Variants in NOPCHAP1 observed in about 807,000 individuals in gnomAD.
NOPCHAP1 encodes DNA damage-sensitive RNA 1.
Under a neutral mutation model 14.0 loss-of-function variants are expected in NOPCHAP1, and 13 were observed. The ratio of observed to expected loss-of-function variants is 0.93; its 90% CI spans 0.60 to 1.47. The LOEUF (loss-of-function observed/expected upper bound fraction) is 1.47. Ranked by LOEUF, NOPCHAP1 falls within the 40% of genes most tolerant of loss-of-function variation. The pLI is 0.00. For missense variants in NOPCHAP1, 230 were observed against 226.9 expected, an observed-to-expected ratio of 1.01 and a Z score of -0.09; for synonymous variants, 78 against 78.4, an observed-to-expected ratio of 1.00 and a Z score of 0.03.
intron 1 of NOPCHAP1, 34 bp downstream of exon 1, chr12:104,986,501 A>G (rs1592746680): frequency 1.3e-6 from 2 of 1,538,664 alleles, no homozygotes; most frequent in Non-Finnish European, 1.8e-6. Context: ...TGGGCCGCAC[A>G]CGTGCGGCAG....
At position 105,012,182 on chromosome 12, in the gene NOPCHAP1, T is replaced by A. The variant is rs1447768484; in HGVS notation, c.*17486T>A. On this transcript the variant is annotated 3_prime_UTR_variant, in exon 4 of 4. Transcript: ENST00000552951. ...AGTCTCATATTTCTTGGACGCTTTG[T>A]TCCTTTTCATTCTTTTTTCTCTAAT... 1.3e-5 allele frequency: 2 copies of A among 152,146 alleles called. No homozygotes were observed. The highest frequency in any genetic ancestry group is 2.9e-5 in the Non-Finnish European group (2 of 68,002). The allele number at this position is 152,146 out of a possible 1,614,324, so 9.4% of individuals were successfully genotyped here.
Position 105,006,703 on chromosome 12 carries a change from G to A in NOPCHAP1, c.*12007G>A, listed in dbSNP as rs1043900300. 1 of 152,052 alleles carries A rather than the reference G, an allele frequency of 6.6e-6. No homozygotes were observed. Among genetic ancestry groups the A allele is most frequent in the African/African-American group, 2.4e-5 (1 of 41,396 alleles). The allele number at this position is 152,052 out of a possible 1,614,324, so 9.4% of individuals were successfully genotyped here. A position where few individuals can be genotyped will look rare whatever the true frequency, so the allele number is the denominator to read the frequency against. On this transcript the variant is annotated 3_prime_UTR_variant, in exon 4 of 4. Coordinates refer to ENST00000552951, the MANE Select transcript of NOPCHAP1 (RefSeq NM_152318.3). ...AATCTAATTGCATTTGCACAAAACA[G>A]TAGAGTTAACCTATCCCTTCCTGCC... is the stretch of plus-strand genomic sequence containing the variant.
Position 105,012,155 on chromosome 12 carries a change from A to G in NOPCHAP1, c.*17459A>G, listed in dbSNP as rs1037434884. ...TCAAACGTAGGCTAGGTCTTTTCAC[A>G]TAGTCTCATATTTCTTGGACGCTTT... On this transcript the variant is annotated 3_prime_UTR_variant, in exon 4 of 4. Transcript: ENST00000552951. The G allele has an allele frequency of 4.6e-5, 7 of 152,164 alleles. No homozygotes were observed. The highest frequency in any genetic ancestry group is 1.7e-4 in the African/African-American group (7 of 41,412). The allele number at this position is 152,164 out of a possible 1,614,324, so 9.4% of individuals were successfully genotyped here.
rs4964309 is a variant in NOPCHAP1 at position 104,999,391 on chromosome 12, C to T, written c.*4695C>T. The T allele has an allele frequency of 0.6, 90,880 of 152,206 alleles. 28,184 individuals carry two copies. Among genetic ancestry groups the T allele is most frequent in the East Asian group, 0.81 (4,196 of 5,180 alleles). The allele number at this position is 152,206 out of a possible 1,614,324, so 9.4% of individuals were successfully genotyped here. Reference sequence around the variant, plus strand: ...CGATCTGCCAACTCAGGTGCTATAGCGTAGGCCCCCAGGACGCACCCCACC... The same window carrying T: ...CGATCTGCCAACTCAGGTGCTATAGTGTAGGCCCCCAGGACGCACCCCACC... On this transcript the variant is annotated 3_prime_UTR_variant, in exon 4 of 4. Coordinates refer to ENST00000552951, the MANE Select transcript of NOPCHAP1 (RefSeq NM_152318.3).
chr12:104,988,329 T>A, intron 2 of NOPCHAP1, 76 bp downstream of exon 2: 1 of 1,178,344 alleles, frequency 8.5e-7, no homozygotes, highest in Non-Finnish European at 1.2e-6. Context: ...GGTCTCTGCC[T>A]TCATTGTCAG....
chr12:104,993,334 A>G (rs1052487793), intron 3 of NOPCHAP1, among the ~76,000 whole-genome samples: 5 of 152,114 alleles, frequency 3.3e-5, no homozygotes, highest in Non-Finnish European at 7.4e-5. Flanking sequence ...CAATACATAC[A>G]TGAATAAGCA....
rs1476041102 is a variant in NOPCHAP1, at chr12:105,002,343, G to C, written c.*7647G>C. 1 of 152,148 alleles carries C rather than the reference G, an allele frequency of 6.6e-6. No individual in the cohort carries two copies. The highest frequency in any genetic ancestry group is 2.4e-5 in the African/African-American group (1 of 41,432). 9.4% of individuals were successfully genotyped at this position (152,148 alleles called of 1,614,324 possible). A position where few individuals can be genotyped will look rare whatever the true frequency, so the allele number is the denominator to read the frequency against. ...ATCATATCTATAACCTCCCATCCTGGTTTGTGTTTTTTATTCAGGTTACTA... is the reference window on the plus strand; with the variant it reads ...ATCATATCTATAACCTCCCATCCTGCTTTGTGTTTTTTATTCAGGTTACTA... On this transcript the variant is annotated 3_prime_UTR_variant, in exon 4 of 4. Transcript: ENST00000552951.
At chr12:104,991,655 C>A in intron 2 of NOPCHAP1, 57 bp from the exon 3 acceptor site, 1 of 1,493,888 alleles carries the variant, frequency 6.7e-7, no homozygotes, top group Non-Finnish European at 9.0e-7. Context: ...TATAGGAAAT[C>A]CTGGGTTTCA....
chr12:104,991,384 C>T (rs114951426), intron 2 of NOPCHAP1, among the ~76,000 whole-genome samples: 247 of 152,308 alleles, frequency 1.6e-3, no homozygotes, highest in African/African-American at 5.5e-3. Flanking sequence ...CCTAGTTATT[C>T]GTACCCTAAA....
Position 105,006,330 on chromosome 12 carries a change from T to C in NOPCHAP1, c.*11634T>C, listed in dbSNP as rs569129980. 2.1e-4 allele frequency: 32 copies of C among 152,300 alleles called. No individual in the cohort carries two copies. The highest frequency in any genetic ancestry group is 3.4e-4 in the Non-Finnish European group (23 of 68,026). The allele number at this position is 152,300 out of a possible 1,614,324, so 9.4% of individuals were successfully genotyped here. A position where few individuals can be genotyped will look rare whatever the true frequency, so the allele number is the denominator to read the frequency against. On this transcript the variant is annotated 3_prime_UTR_variant, in exon 4 of 4. Coordinates refer to ENST00000552951, the MANE Select transcript of NOPCHAP1 (RefSeq NM_152318.3). ...CTTTGAAAATTTTTTCCATAGAGTA[T>C]CATGTATAATGAGCCTTAAAGGTCT...
At chr12:104,991,505 A>T (rs942296830) in intron 2 of NOPCHAP1, among the ~76,000 whole-genome samples, 2 of 152,216 alleles carry the variant, frequency 1.3e-5, no homozygotes, top group African/African-American at 4.8e-5. Context: ...TATATGAGAA[A>T]CATAAAACAT....
At chr12:104,993,630 G>A (rs1238369433) in intron 3 of NOPCHAP1, among the ~76,000 whole-genome samples, 1 of 152,244 alleles carries the variant, frequency 6.6e-6, no homozygotes, top group Non-Finnish European at 1.5e-5. Context: ...GCGTCACTGT[G>A]TATGGGTGCT....
At position 104,997,504 on chromosome 12, in the gene NOPCHAP1, A is replaced by C; in HGVS notation, c.*2808A>C. ...TTAAAGTATAATAATAAAAATAAAT[A>C]AATAAAGAATGCTGAATATAGGCCC... On this transcript the variant is annotated 3_prime_UTR_variant, in exon 4 of 4. Transcript: ENST00000552951. The C allele has an allele frequency of 1.3e-5, 2 of 152,312 alleles. No individual in the cohort carries two copies. The highest frequency in any genetic ancestry group is 1.3e-4 in the Admixed American group (2 of 15,298). 9.4% of individuals were successfully genotyped at this position (152,312 alleles called of 1,614,324 possible). A position where few individuals can be genotyped will look rare whatever the true frequency, so the allele number is the denominator to read the frequency against.
chr12:105,000,621 G>T lies in NOPCHAP1; in HGVS notation c.*5925G>T, dbSNP rs1705101161. 1 of 152,128 alleles carries T rather than the reference G, an allele frequency of 6.6e-6. No homozygotes were observed. Among genetic ancestry groups the T allele is most frequent in the Non-Finnish European group, 1.5e-5 (1 of 68,016 alleles). The allele number at this position is 152,128 out of a possible 1,614,324, so 9.4% of individuals were successfully genotyped here. ...TCTTACCACCCATACTGCAGCAAAAGTCTTGAGGGTCTGAACTTTTGCTGC... is the reference window on the plus strand; with the variant it reads ...TCTTACCACCCATACTGCAGCAAAATTCTTGAGGGTCTGAACTTTTGCTGC... On this transcript the variant is annotated 3_prime_UTR_variant, in exon 4 of 4. Transcript: ENST00000552951.
In NOPCHAP1 at chr12:105,001,329, T is replaced by C. The variant is rs1873605510; in HGVS notation, c.*6633T>C. The C allele has an allele frequency of 6.6e-6, 1 of 152,200 alleles. No individual in the cohort carries two copies. The highest frequency in any genetic ancestry group is 1.5e-5 in the Non-Finnish European group (1 of 68,036). The allele number at this position is 152,200 out of a possible 1,614,324, so 9.4% of individuals were successfully genotyped here. On this transcript the variant is annotated 3_prime_UTR_variant, in exon 4 of 4. Transcript: ENST00000552951. ...ATTGTTATCCCATTAAGGGTGGCAA[T>C]TGATGAAATCCATCTGTAAACATTC...
Position 104,991,955 on chromosome 12 carries a change from C to T in NOPCHAP1, c.339+107C>T. The T allele has an allele frequency of 4.6e-6, 6 of 1,318,118 alleles. No individual in the cohort carries two copies. The South Asian group carries it at 4.7e-5, about 10-fold the overall frequency. The allele number at this position is 1,318,118 out of a possible 1,614,324, so 81.7% of individuals were successfully genotyped here. ...CAAGTTTTCATTTTCCTGGTGTTAG[C>T]TCATGTTTCCAATGTTGTATAGGTA... On this transcript the variant is annotated intron_variant, in intron 3 of 3. Coordinates refer to ENST00000552951, the MANE Select transcript of NOPCHAP1 (RefSeq NM_152318.3).
Position 105,013,617 on chromosome 12 carries a change from C to G in NOPCHAP1, c.*18921C>G, listed in dbSNP as rs986758437. 2.6e-5 allele frequency: 4 copies of G among 152,436 alleles called. No individual in the cohort carries two copies. The highest frequency in any genetic ancestry group is 9.7e-5 in the African/African-American group (4 of 41,424). 9.4% of individuals were successfully genotyped at this position (152,436 alleles called of 1,614,324 possible). ...CCCAGGGCCCTGGTGGTGTAGGCAC[C>G]CGAGGGAATCTCCTGGTCTGCGGGT... On this transcript the variant is annotated 3_prime_UTR_variant, in exon 4 of 4. Transcript: ENST00000552951.
rs1162737291 is a variant in NOPCHAP1 at position 105,012,975 on chromosome 12, TGAG to T, written c.*18284_*18286del. On this transcript the variant is annotated 3_prime_UTR_variant, in exon 4 of 4. Transcript: ENST00000552951. Reference sequence around the variant, plus strand: ...TAGGCATAGGGGTCAAGGACCCACTTGAGGAGGCAGTCTGTCCCTTAGCAGAGC... The same window carrying T: ...TAGGCATAGGGGTCAAGGACCCACTTGAGGCAGTCTGTCCCTTAGCAGAGC... 1.3e-5 allele frequency: 2 copies of T among 152,302 alleles called. No individual in the cohort carries two copies. Among genetic ancestry groups the T allele is most frequent in the African/African-American group, 4.8e-5 (2 of 41,450 alleles). The allele number at this position is 152,302 out of a possible 1,614,324, so 9.4% of individuals were successfully genotyped here.
At chr12:104,989,164 T>G (rs1873320820) in intron 2 of NOPCHAP1, among the ~76,000 whole-genome samples, 1 of 152,164 alleles carries the variant, frequency 6.6e-6, no homozygotes, top group Non-Finnish European at 1.5e-5. Flanking sequence ...GTTGTGATCT[T>G]AATTTGTTTC....
Sources: allele counts gnomAD v4.1 joint callset (sites outside exome capture counted in the v4.1 genomes callset), GRCh38; gene constraint gnomAD v4.1.1; transcripts MANE v1.5; gene names NCBI Gene and HGNC (gene_info 2026-07-23, HGNC 2026-07-21).